Variants in DACH1 observed in about 807,000 individuals in gnomAD.
DACH1 encodes dachshund family transcription factor 1.
DACH1 carries 12 observed loss-of-function variants against 54.2 expected under a neutral mutation model. The observed-to-expected ratio is 0.22, with a 90% confidence interval of 0.14 to 0.36. DACH1 has a LOEUF of 0.36. Ranked by LOEUF, DACH1 falls within the 10% of genes least tolerant of loss-of-function variation. The probability of loss-of-function intolerance (pLI) is 1.00; values close to 1 mark genes in which losing one functional copy is unlikely to be tolerated. For missense variants in DACH1, 805 were observed against 929.8 expected (o/e 0.87, Z 1.75); for synonymous variants, 386 against 366.2 (o/e 1.05, Z -0.62).
chr13:71,584,013 C>T (rs1050630883), intron 3 of DACH1, among the ~76,000 whole-genome samples: 5 of 152,086 alleles, frequency 3.3e-5, no homozygotes, highest in Admixed American at 3.3e-4. Context: ...TTGCACACTT[C>T]CTACTTTTTG....
At chr13:71,745,389 A>G (rs750593781) in intron 1 of DACH1, among the ~76,000 whole-genome samples, 4 of 152,222 alleles carry the variant, frequency 2.6e-5, no homozygotes, top group Non-Finnish European at 5.9e-5. Flanking sequence ...GTCAGATATG[A>G]CCTCACAGTA....
intron 10 of DACH1, among the ~76,000 whole-genome samples, chr13:71,459,199 C>T (rs1875854427): frequency 6.6e-6 from 1 of 151,924 alleles, no homozygotes; most frequent in East Asian, 1.9e-4. Context: ...CTTTAAAATA[C>T]TAAACATGGA....
intron 5 of DACH1, among the ~76,000 whole-genome samples, chr13:71,558,974 G>C (rs982896186): frequency 1.3e-5 from 2 of 151,992 alleles, no homozygotes; most frequent in Non-Finnish European, 2.9e-5. Flanking sequence ...ATTAGATGAA[G>C]TGTATGCTAT....
chr13:71,864,655 C>T (rs1247257098), intron 1 of DACH1, among the ~76,000 whole-genome samples: 1 of 152,182 alleles, frequency 6.6e-6, no homozygotes. Context: ...TGCCTCTGCG[C>T]TTCCTTGCAG....
intron 1 of DACH1, among the ~76,000 whole-genome samples, chr13:71,720,514 A>G (rs1370050597): frequency 6.6e-6 from 1 of 152,184 alleles, no homozygotes; most frequent in Admixed American, 6.5e-5. Context: ...TGACTAACTA[A>G]ATTAAAATGT....
chr13:71,700,956 C>T (rs1305083971), intron 1 of DACH1, among the ~76,000 whole-genome samples: 1 of 152,054 alleles, frequency 6.6e-6, no homozygotes, highest in African/African-American at 2.4e-5. Context: ...GAAGTATTTT[C>T]TAGGAACCTT....
chr13:71,500,423 G>C (rs959554794), intron 6 of DACH1, among the ~76,000 whole-genome samples: 1 of 152,108 alleles, frequency 6.6e-6, no homozygotes, highest in Non-Finnish European at 1.5e-5. Flanking sequence ...TCATTGCTAT[G>C]TGAATAAAAC....
intron 2 of DACH1, among the ~76,000 whole-genome samples, chr13:71,673,188 A>C (rs541522382): frequency 1.3e-5 from 2 of 152,244 alleles, no homozygotes. Context: ...GACTGTCCAG[A>C]AGTCTAGTAA....
intron 6 of DACH1, 94 bp from the exon 7 acceptor site, chr13:71,489,242 T>C (rs980652856): frequency 1.5e-6 from 2 of 1,367,848 alleles, no homozygotes; most frequent in African/African-American, 2.9e-5. Flanking sequence ...TCCAGAACAT[T>C]TATTGCAAAT....
chr13:71,823,526 T>C (rs566970144), intron 1 of DACH1, among the ~76,000 whole-genome samples: 2 of 152,200 alleles, frequency 1.3e-5, no homozygotes, highest in African/African-American at 4.8e-5. Context: ...CAAATCATCA[T>C]ATAATGAAGT....
chr13:71,491,114 T>C (rs1010005552), intron 6 of DACH1, among the ~76,000 whole-genome samples: 2 of 152,214 alleles, frequency 1.3e-5, no homozygotes, highest in African/African-American at 4.8e-5. Flanking sequence ...TACATTTGGC[T>C]GTTGTGTGGA....
At chr13:71,663,750 A>T (rs998092671) in intron 2 of DACH1, among the ~76,000 whole-genome samples, 1 of 151,932 alleles carries the variant, frequency 6.6e-6, no homozygotes, top group Admixed American at 6.6e-5. Context: ...TAAGAAATAG[A>T]GATTCTGGAG....
chr13:71,454,381 A>AT (rs1875361054), intron 10 of DACH1, among the ~76,000 whole-genome samples: 1 of 152,106 alleles, frequency 6.6e-6, no homozygotes, highest in Non-Finnish European at 1.5e-5. Flanking sequence ...TCCTACAATT[A>AT]CAGCCATACA....
intron 1 of DACH1, among the ~76,000 whole-genome samples, chr13:71,804,461 C>A (rs1281704790): frequency 5.3e-5 from 8 of 152,152 alleles, no homozygotes. Flanking sequence ...CACTTTATAA[C>A]CTCCTATTTC....
At chr13:71,813,455 A>C (rs1393695427) in intron 1 of DACH1, among the ~76,000 whole-genome samples, 1 of 152,122 alleles carries the variant, frequency 6.6e-6, no homozygotes, top group Non-Finnish European at 1.5e-5. Flanking sequence ...AACTCCTCTA[A>C]CATCTAGACT....
chr13:71,786,261 A>G (rs1055403995), intron 1 of DACH1, among the ~76,000 whole-genome samples: 3 of 152,184 alleles, frequency 2.0e-5, no homozygotes, highest in African/African-American at 7.2e-5. Flanking sequence ...GGCCTCAAAC[A>G]ATAAACATGC....
chr13:71,454,148 AG>A (rs1237396423), intron 10 of DACH1, among the ~76,000 whole-genome samples: 2 of 152,202 alleles, frequency 1.3e-5, no homozygotes, highest in Non-Finnish European at 2.9e-5. Flanking sequence ...GCCTGGAGAA[AG>A]CAGTTAATCA....
chr13:71,686,905 C>T (rs147032738), intron 1 of DACH1, among the ~76,000 whole-genome samples: 93 of 152,234 alleles, frequency 6.1e-4, no homozygotes, highest in African/African-American at 2.2e-3. Flanking sequence ...TATATAAGCA[C>T]AGGGCTAGAC....
chr13:71,833,715 T>A, intron 1 of DACH1, among the ~76,000 whole-genome samples: 1 of 152,004 alleles, frequency 6.6e-6, no homozygotes, highest in African/African-American at 2.4e-5. Flanking sequence ...GAGACGCCAC[T>A]TAAAGACCTT....
Sources: gnomAD v4.1 joint callset for allele counts (sites outside exome capture counted in the v4.1 genomes callset) on GRCh38, gnomAD v4.1.1 for gene constraint, MANE v1.5 for transcripts, NCBI Gene and HGNC (gene_info 2026-07-23, HGNC 2026-07-21) for gene names.